Variants in SLC4A5 observed in about 807,000 individuals in gnomAD.
SLC4A5 encodes the protein electrogenic sodium bicarbonate cotransporter 4.
Under a neutral mutation model 120.4 loss-of-function variants are expected in SLC4A5, and 96 were observed. That is an observed-to-expected ratio of 0.80 (90% CI 0.68 to 0.94). SLC4A5 has a LOEUF of 0.94. SLC4A5 is among the 40% of genes least tolerant of loss of function. The pLI is 0.00. For missense variants in SLC4A5, 1,259 were observed against 1,459.5 expected, an observed-to-expected ratio of 0.86 and a Z score of 2.24; for synonymous variants, 550 against 571.1, an observed-to-expected ratio of 0.96 and a Z score of 0.53.
intron 6 of SLC4A5, among the ~76,000 whole-genome samples, chr2:74,306,303 G>GA (rs1447078876): frequency 6.6e-6 from 1 of 152,148 alleles, no homozygotes; most frequent in Non-Finnish European, 1.5e-5. Flanking sequence ...TGGCCAGAGA[G>GA]ATGTTAGCCC....
At position 74,259,854 on chromosome 2, in the gene SLC4A5, C is replaced by T. The variant is rs1488099420; in HGVS notation, c.812-211G>A. ...AAGAGGTGTTAGACTCCAGTTTCCA[C>T]TGTTTCCTTCTCCCTCCTCAATCTA... On this transcript the variant is annotated intron_variant, in intron 11 of 30. Transcript: ENST00000394019. Among the ~76,000 whole-genome samples, 3 of 152,200 alleles carry T rather than the reference C, an allele frequency of 2.0e-5. No homozygotes were observed. In the East Asian group the frequency reaches 5.8e-4, roughly 29 times the overall value.
At chr2:74,282,450 G>A (rs986505376) in intron 8 of SLC4A5, among the ~76,000 whole-genome samples, 4 of 152,216 alleles carry the variant, frequency 2.6e-5, no homozygotes. Flanking sequence ...TTATCCTGAG[G>A]TCCTGATGGC....
At chr2:74,292,474 G>T (rs1020590081) in intron 7 of SLC4A5, among the ~76,000 whole-genome samples, 1 of 152,176 alleles carries the variant, frequency 6.6e-6, no homozygotes, top group Non-Finnish European at 1.5e-5. Flanking sequence ...CATGTGTGCA[G>T]CACGTCAGAA....
intron 28 of SLC4A5, among the ~76,000 whole-genome samples, chr2:74,224,376 C>G (rs1467292044): frequency 1.3e-5 from 2 of 152,160 alleles, no homozygotes; most frequent in Non-Finnish European, 2.9e-5. Flanking sequence ...ATACCCTAGG[C>G]AAAGGCGCAA....
At chr2:74,271,984 G>C (rs972206939) in intron 8 of SLC4A5, among the ~76,000 whole-genome samples, 5 of 152,108 alleles carry the variant, frequency 3.3e-5, no homozygotes, top group Non-Finnish European at 5.9e-5. Flanking sequence ...TCAGGAGGCT[G>C]AGGTAGGAGG....
At chr2:74,252,090 GA>G in intron 16 of SLC4A5, 88 bp downstream of exon 16, 1 of 1,424,062 alleles carries the variant, frequency 7.0e-7, no homozygotes, top group Admixed American at 1.8e-5. Flanking sequence ...GGGCACTACA[GA>G]CCATGGTTGG....
At chr2:74,222,574 A>C (rs190663159) in intron 29 of SLC4A5, among the ~76,000 whole-genome samples, 128 of 152,286 alleles carry the variant, frequency 8.4e-4, no homozygotes, top group African/African-American at 3.0e-3. Context: ...GCAGCAATAG[A>C]TTCTCATAAG....
chr2:74,238,235 T>C (rs939193207), intron 21 of SLC4A5, among the ~76,000 whole-genome samples: 3 of 152,150 alleles, frequency 2.0e-5, no homozygotes, highest in Non-Finnish European at 2.9e-5. Flanking sequence ...TAAAACATTA[T>C]GGAGAGAAAG....
At chr2:74,319,523 G>C (rs1328935228) in intron 5 of SLC4A5, 1 of 152,146 alleles carries the variant, frequency 6.6e-6, no homozygotes, top group African/African-American at 2.4e-5. Flanking sequence ...GATTGTCATA[G>C]GTTTGTTTAA....
chr2:74,227,701 A>G, intron 26 of SLC4A5, 109 bp downstream of exon 26: 1 of 1,207,086 alleles, frequency 8.3e-7, no homozygotes. Flanking sequence ...TCATTGAATT[A>G]GGACAATTGG....
chr2:74,222,448 G>A (rs960097196), intron 29 of SLC4A5, among the ~76,000 whole-genome samples: 11 of 152,128 alleles, frequency 7.2e-5, no homozygotes, highest in Admixed American at 4.6e-4. Context: ...GTCTTCTAGC[G>A]CAGGGGTCCT....
At chr2:74,238,862 G>A (rs759548089) in intron 21 of SLC4A5, among the ~76,000 whole-genome samples, 1 of 152,154 alleles carries the variant, frequency 6.6e-6, no homozygotes, top group Non-Finnish European at 1.5e-5. Context: ...CATTAAGGAT[G>A]TAAAAAGAAA....
At chr2:74,304,665 TGGATAGGAG>T in exon 7 of SLC4A5, 1 of 1,613,436 alleles carries the variant, frequency 6.2e-7, no homozygotes, top group Non-Finnish European at 8.5e-7. Flanking sequence ...AAGCCCAATG[TGGATAGGAG>T]GGCATTCTGT....
intron 14 of SLC4A5, among the ~76,000 whole-genome samples, chr2:74,253,818 G>A (rs976908559): frequency 1.2e-4 from 19 of 152,040 alleles, no homozygotes; most frequent in African/African-American, 4.6e-4. Context: ...TGAATCTTAG[G>A]CCAAAAACTG....
exon 15 of SLC4A5, chr2:74,253,090 T>C: frequency 6.2e-7 from 1 of 1,614,040 alleles, no homozygotes; most frequent in Non-Finnish European, 8.5e-7. Context: ...CGATCAGATC[T>C]TCCCGATTGC....
chr2:74,327,671 T>C (rs1323002141), intron 5 of SLC4A5, among the ~76,000 whole-genome samples: 1 of 152,230 alleles, frequency 6.6e-6, no homozygotes, highest in Non-Finnish European at 1.5e-5. Context: ...CATTAGCAGA[T>C]ATAATTTATT....
rs114300772 is a variant in SLC4A5, at chr2:74,231,293, G to A, written c.2790C>T (p.Thr930=). ...CCGTCAGGATGAAGACGATGATGCC[G>A]GTTACTCTCTGTTCCCTGGCAGAGA... The change falls in exon 25 of 31, where the codon ACC becomes ACT. Residue 930 remains threonine, a synonymous_variant. Transcript: ENST00000394019. The A allele has an allele frequency of 1.4e-3, 2,266 of 1,611,622 alleles. 34 individuals carry two copies. In the African/African-American group the frequency reaches 0.026, roughly 18 times the overall value.
At chr2:74,232,994 A>G (rs1035149251) in intron 23 of SLC4A5, among the ~76,000 whole-genome samples, 1 of 152,080 alleles carries the variant, frequency 6.6e-6, no homozygotes, top group Non-Finnish European at 1.5e-5. Flanking sequence ...CCAGACCTGG[A>G]TGGGGGAGGG....
intron 8 of SLC4A5, among the ~76,000 whole-genome samples, chr2:74,277,010 C>G (rs1671665452): frequency 6.6e-6 from 1 of 152,130 alleles, no homozygotes; most frequent in African/African-American, 2.4e-5. Flanking sequence ...CTTCCCAGAC[C>G]CAGCCCTTGA....
Sources: gnomAD v4.1 joint callset for allele counts (sites outside exome capture counted in the v4.1 genomes callset) on GRCh38, gnomAD v4.1.1 for gene constraint, MANE v1.5 for transcripts, NCBI Gene and HGNC (gene_info 2026-07-23, HGNC 2026-07-21) for gene names.